The following BMP5 variants were observed in gnomAD, a reference collection of about 807,000 sequenced individuals.
The protein encoded by BMP5 is bone morphogenetic protein 5.
A neutral mutation model predicts 46.6 loss-of-function variants in BMP5; 23 were observed. The ratio of observed to expected loss-of-function variants is 0.49; its 90% CI spans 0.35 to 0.70. BMP5 has a LOEUF of 0.70. Ranked by LOEUF, BMP5 falls within the 30% of genes least tolerant of loss-of-function variation. BMP5 has a pLI of 0.00. For missense variants in BMP5, 545 were observed against 565.6 expected, an observed-to-expected ratio of 0.96 and a Z score of 0.37; for synonymous variants, 204 against 191.9, an observed-to-expected ratio of 1.06 and a Z score of -0.52.
chr6:55,776,204 G>C (rs1268435225), intron 3 of BMP5, among the ~76,000 whole-genome samples: 1 of 151,942 alleles, frequency 6.6e-6, no homozygotes, highest in Non-Finnish European at 1.5e-5. Flanking sequence ...ATAAATGAAA[G>C]AGGCAGTTTG....
At chr6:55,834,386 C>T (rs979953745) in intron 1 of BMP5, among the ~76,000 whole-genome samples, 3 of 152,110 alleles carry the variant, frequency 2.0e-5, no homozygotes, top group South Asian at 2.1e-4. Context: ...TATCTGCATT[C>T]GATTGATAAG....
chr6:55,757,628 T>C (rs1014401794), intron 6 of BMP5, among the ~76,000 whole-genome samples: 2 of 151,960 alleles, frequency 1.3e-5, no homozygotes, highest in Non-Finnish European at 1.5e-5. Flanking sequence ...ATAGCAAAGG[T>C]GAAGTCATAT....
At chr6:55,761,962 C>T (rs1189800589) in intron 4 of BMP5, among the ~76,000 whole-genome samples, 1 of 152,050 alleles carries the variant, frequency 6.6e-6, no homozygotes, top group African/African-American at 2.4e-5. Context: ...ACAAATTTCT[C>T]ATAGTGTTCC....
chr6:55,758,708 G>A (rs1333494693), intron 6 of BMP5, among the ~76,000 whole-genome samples: 1 of 151,756 alleles, frequency 6.6e-6, no homozygotes, highest in African/African-American at 2.4e-5. Flanking sequence ...ACAGCCCCAG[G>A]GAACCTGTGT....
At position 55,819,818 on chromosome 6, in the gene BMP5, G is replaced by A. The variant is rs145396829; in HGVS notation, c.520C>T (p.Arg174Ter). ...AATCGAAATTCTTTGTAATGCCTTC[G>A]CTGGTGAGAAAAATCCTTGTCTCTT... ...VERDKDFSHQ[R>*]RHYKEFRFDL... Residue 174 changes from arginine (R) to a stop codon, truncating the protein, a stop_gained, in exon 2 of 7, where the codon CGA (arginine) becomes TGA (stop). Coordinates refer to ENST00000370830, the MANE Select transcript of BMP5 (RefSeq NM_021073.4). LOFTEE classifies it high-confidence loss of function. 8 of 1,613,616 alleles carry A rather than the reference G, an allele frequency of 5.0e-6. No homozygotes were observed. Among genetic ancestry groups the A allele is most frequent in the South Asian group, 1.1e-5 (1 of 91,072 alleles).
chr6:55,788,759 G>C (rs12194491), intron 3 of BMP5, among the ~76,000 whole-genome samples: 26,506 of 151,664 alleles, frequency 0.17, 2,635 homozygotes, highest in Non-Finnish European at 0.23. Context: ...TCAGAGCCCA[G>C]ATTTTAATCT....
chr6:55,814,241 G>T (rs538206343), intron 2 of BMP5, among the ~76,000 whole-genome samples: 82 of 151,900 alleles, frequency 5.4e-4, no homozygotes, highest in African/African-American at 1.9e-3. Flanking sequence ...TTTACATAAA[G>T]GTAGGTGTCA....
intron 2 of BMP5, among the ~76,000 whole-genome samples, chr6:55,805,294 T>C (rs1775961571): frequency 6.6e-6 from 1 of 152,164 alleles, no homozygotes; most frequent in Non-Finnish European, 1.5e-5. Flanking sequence ...GTAGGTTTGT[T>C]ACATAGGTAT....
intron 1 of BMP5, among the ~76,000 whole-genome samples, chr6:55,835,461 TTGCAAATCAACTCAAAC>T (rs1194210040): frequency 1.3e-5 from 2 of 152,198 alleles, no homozygotes; most frequent in African/African-American, 4.8e-5. Flanking sequence ...ACATACTAAC[TTGCAAATCAACTCAAAC>T]TGCAAATCTA....
chr6:55,788,586 A>G (rs1775502799), intron 3 of BMP5, among the ~76,000 whole-genome samples: 2 of 151,810 alleles, frequency 1.3e-5, no homozygotes, highest in Non-Finnish European at 3.0e-5. Context: ...TGTAAGTGAA[A>G]AGTCTGTGCA....
chr6:55,791,869 C>T (rs545250767), intron 3 of BMP5, among the ~76,000 whole-genome samples: 35 of 152,312 alleles, frequency 2.3e-4, no homozygotes, highest in Non-Finnish European at 1.6e-4. Context: ...GCACATACCA[C>T]TAATTTCATT....
At chr6:55,821,948 G>A (rs1562055224) in intron 1 of BMP5, among the ~76,000 whole-genome samples, 1 of 152,166 alleles carries the variant, frequency 6.6e-6, no homozygotes, top group Non-Finnish European at 1.5e-5. Context: ...TTTAAATGAA[G>A]TAGATGACAT....
At chr6:55,864,012 G>A (rs931873476) in intron 1 of BMP5, among the ~76,000 whole-genome samples, 2 of 151,930 alleles carry the variant, frequency 1.3e-5, no homozygotes, top group African/African-American at 2.4e-5. Flanking sequence ...TTTTAAAGAT[G>A]CATAACCGTG....
chr6:55,836,437 G>A (rs892981153), intron 1 of BMP5, among the ~76,000 whole-genome samples: 1 of 152,074 alleles, frequency 6.6e-6, no homozygotes, highest in South Asian at 2.1e-4. Context: ...CTCTAGAGAG[G>A]TTTAAATCTA....
intron 1 of BMP5, among the ~76,000 whole-genome samples, chr6:55,846,622 G>A (rs1366218501): frequency 6.6e-6 from 1 of 151,726 alleles, no homozygotes. Flanking sequence ...AACAGACCCA[G>A]TTTCTTATTT....
intron 1 of BMP5, among the ~76,000 whole-genome samples, chr6:55,827,912 C>T (rs1776569707): frequency 6.6e-6 from 1 of 151,796 alleles, no homozygotes; most frequent in African/African-American, 2.4e-5. Flanking sequence ...AAAGGCATAA[C>T]TGTCTGATAG....
rs1777885611 is a variant in BMP5, at chr6:55,875,511, T to C, written c.-646A>G. On this transcript the variant is annotated 5_prime_UTR_variant, in exon 1 of 7. Coordinates refer to ENST00000370830, the MANE Select transcript of BMP5 (RefSeq NM_021073.4). ...AAATCCTTCCTGTAAGTCCATTCAA[T>C]CCCTTTCTCCTTCTTACTGTTAATT... The C allele has an allele frequency of 6.5e-6, 1 of 153,380 alleles. No homozygotes were observed. The highest frequency in any genetic ancestry group is 2.4e-5 in the African/African-American group (1 of 41,432). 9.5% of individuals were successfully genotyped at this position (153,380 alleles called of 1,614,324 possible). A position where few individuals can be genotyped will look rare whatever the true frequency, so the allele number is the denominator to read the frequency against.
intron 1 of BMP5, among the ~76,000 whole-genome samples, chr6:55,825,190 T>C (rs1562056936): frequency 6.6e-6 from 1 of 151,746 alleles, no homozygotes; most frequent in African/African-American, 2.4e-5. Context: ...AACGTATGCA[T>C]TTTACCACCC....
At chr6:55,800,904 C>T (rs1775835470) in intron 2 of BMP5, among the ~76,000 whole-genome samples, 1 of 152,176 alleles carries the variant, frequency 6.6e-6, no homozygotes, top group Non-Finnish European at 1.5e-5. Flanking sequence ...TACTCCCAAA[C>T]CATAACTCAA....
Sources: gnomAD v4.1 joint callset for allele counts (sites outside exome capture counted in the v4.1 genomes callset) on GRCh38, gnomAD v4.1.1 for gene constraint, MANE v1.5 for transcripts, NCBI Gene and HGNC (gene_info 2026-07-23, HGNC 2026-07-21) for gene names.